The following TTC39B variants were observed in gnomAD, a reference collection of about 807,000 sequenced individuals.
The protein encoded by TTC39B is tetratricopeptide repeat domain 39B, also known as tetratricopeptide repeat protein 39B.
Under a neutral mutation model 96.6 loss-of-function variants are expected in TTC39B, and 92 were observed. That is an observed-to-expected ratio of 0.95 (90% CI 0.80 to 1.13). TTC39B has a LOEUF of 1.13. TTC39B is among the 50% of genes most tolerant of loss of function. The pLI, the probability that TTC39B is intolerant of heterozygous loss-of-function variation, is 0.00. For missense variants in TTC39B, 955 were observed against 809.3 expected (o/e 1.18, Z -2.18); for synonymous variants, 367 against 299.4 (o/e 1.23, Z -2.33).
chr9:15,205,998 C>T (rs540724468), intron 6 of TTC39B, among the ~76,000 whole-genome samples: 16 of 152,126 alleles, frequency 1.1e-4, no homozygotes, highest in Non-Finnish European at 2.4e-4. Context: ...CAGGAAGCAA[C>T]AGTGAGTCAG....
At chr9:15,182,463 A>G (rs1001352138) in intron 16 of TTC39B, 48 bp from the exon 17 acceptor site, 4 of 1,271,038 alleles carry the variant, frequency 3.1e-6, no homozygotes, top group Admixed American at 1.9e-5. Flanking sequence ...AGGTTATTCA[A>G]TGTCCTTTAT....
chr9:15,203,855 G>C (rs1355272573), exon 7 of TTC39B: 1 of 1,613,396 alleles, frequency 6.2e-7, no homozygotes, highest in Non-Finnish European at 8.5e-7. Flanking sequence ...TTCTGTAGGA[G>C]ACACTCGGCA....
At chr9:15,251,696 TATAC>T (rs1474805275) in intron 2 of TTC39B, among the ~76,000 whole-genome samples, 2 of 79,042 alleles carry the variant, frequency 2.5e-5, no homozygotes, top group Non-Finnish European at 4.5e-5. Context: ...CACACATACA[TATAC>T]ATATATATAT....
At chr9:15,271,237 G>C (rs895845959) in intron 1 of TTC39B, among the ~76,000 whole-genome samples, 42 of 152,190 alleles carry the variant, frequency 2.8e-4, no homozygotes, top group African/African-American at 1.0e-3. Context: ...CTCTCTAGAA[G>C]AGTGTATTTG....
At chr9:15,222,934 G>A (rs1342873355) in intron 3 of TTC39B, among the ~76,000 whole-genome samples, 1 of 152,226 alleles carries the variant, frequency 6.6e-6, no homozygotes, top group African/African-American at 2.4e-5. Flanking sequence ...ATGAAGAGAT[G>A]TGGTAAGAGG....
intron 3 of TTC39B, among the ~76,000 whole-genome samples, chr9:15,222,143 G>T (rs188908600): frequency 9.8e-5 from 15 of 152,312 alleles, no homozygotes; most frequent in African/African-American, 3.6e-4. Context: ...AACTAAGAGG[G>T]ATCGTTCCAA....
intron 15 of TTC39B, 23 bp from the exon 16 acceptor site, chr9:15,185,429 C>T: frequency 6.2e-7 from 1 of 1,612,436 alleles, no homozygotes; most frequent in African/African-American, 1.3e-5. Flanking sequence ...CCAGCCCAGC[C>T]CCAGAGAAAG....
Position 15,214,126 on chromosome 9 carries a change from C to A in TTC39B, c.482+13G>T. The stretch of plus-strand genomic sequence containing the variant: ...TGAAAGATATTTTATCTAAAAGAGA[C>A]AAAGTAAATTACCAGGGGCGAAGCA... On this transcript the variant is annotated intron_variant, in intron 4 of 19. Coordinates refer to ENST00000512701, the Ensembl canonical transcript of TTC39B. The A allele has an allele frequency of 6.3e-7, 1 of 1,581,070 alleles. No homozygotes were observed. The highest frequency in any genetic ancestry group is 8.7e-7 in the Non-Finnish European group (1 of 1,151,884).
intron 2 of TTC39B, among the ~76,000 whole-genome samples, chr9:15,235,133 TAAC>T (rs1416656458): frequency 6.6e-6 from 1 of 152,136 alleles, no homozygotes. Context: ...TTGAAAGTTT[TAAC>T]AATAGACTGG....
chr9:15,287,019 A>AGCT (rs113948469), intron 1 of TTC39B, among the ~76,000 whole-genome samples: 38,728 of 152,076 alleles, frequency 0.25, 5,675 homozygotes, highest in Non-Finnish European at 0.32. Context: ...GCTAAGGAAT[A>AGCT]GCTAAACTTC....
chr9:15,186,728 T>C (rs1818546490), intron 15 of TTC39B: 2 of 423,626 alleles, frequency 4.7e-6, no homozygotes, highest in Admixed American at 4.1e-5. Flanking sequence ...TCTCACTCTG[T>C]CTGTCACCCA....
exon 20 of TTC39B, chr9:15,167,476 G>C (rs1817551060): frequency 6.6e-6 from 1 of 152,208 alleles, no homozygotes; most frequent in African/African-American, 2.4e-5. Context: ...TATTGGGCCA[G>C]GCATGGTGGC....
At position 15,269,543 on chromosome 9, in the gene TTC39B, A is replaced by G. The variant is rs140873385; in HGVS notation, c.241-1595T>C. 3.1e-3 allele frequency among the ~76,000 whole-genome samples: 476 copies of G among 152,324 alleles called. 3 individuals carry two copies. The highest frequency in any genetic ancestry group is 0.011 in the African/African-American group (448 of 41,568). On this transcript the variant is annotated intron_variant, in intron 1 of 19. Coordinates refer to ENST00000512701, the Ensembl canonical transcript of TTC39B. ...GATTCTGCGGTGAGGCAGAAAAAAC[A>G]AAAGTGTAAATACTAAAAAGAAGAA...
At chr9:15,233,342 C>A (rs968154454) in intron 2 of TTC39B, among the ~76,000 whole-genome samples, 2 of 152,046 alleles carry the variant, frequency 1.3e-5, no homozygotes, top group African/African-American at 4.8e-5. Flanking sequence ...CTCCCTCTCC[C>A]TCTCCCTCTC....
intron 1 of TTC39B, among the ~76,000 whole-genome samples, chr9:15,302,066 T>C (rs1460192575): frequency 6.6e-6 from 1 of 152,216 alleles, no homozygotes; most frequent in African/African-American, 2.4e-5. Flanking sequence ...CTCACGCCTG[T>C]AATCCCAGCA....
intron 2 of TTC39B, among the ~76,000 whole-genome samples, chr9:15,265,816 T>C (rs1283919504): frequency 6.6e-6 from 1 of 152,096 alleles, no homozygotes; most frequent in Non-Finnish European, 1.5e-5. Flanking sequence ...CAAAAACACA[T>C]GACCACAGTC....
chr9:15,211,605 T>A (rs1442215267), intron 4 of TTC39B, among the ~76,000 whole-genome samples: 1 of 152,160 alleles, frequency 6.6e-6, no homozygotes, highest in Non-Finnish European at 1.5e-5. Flanking sequence ...GAACAAAATG[T>A]TCCAGGTTGA....
intron 2 of TTC39B, among the ~76,000 whole-genome samples, chr9:15,233,214 C>A (rs1271061630): frequency 6.6e-6 from 1 of 152,170 alleles, no homozygotes; most frequent in African/African-American, 2.4e-5. Flanking sequence ...TGAGAGAAAA[C>A]TGGTTCGAGA....
At chr9:15,234,038 A>C (rs1402088349) in intron 2 of TTC39B, among the ~76,000 whole-genome samples, 22 of 83,524 alleles carry the variant, frequency 2.6e-4, no homozygotes, top group South Asian at 7.8e-4. Flanking sequence ...AGCGCCTCTG[A>C]CCCGCCGCCC....
Sources: gnomAD v4.1 joint callset for allele counts (sites outside exome capture counted in the v4.1 genomes callset) on GRCh38, gnomAD v4.1.1 for gene constraint, MANE v1.5 for transcripts, NCBI Gene and HGNC (gene_info 2026-07-23, HGNC 2026-07-21) for gene names.